The following PCDHA13 variants were observed in gnomAD, a reference collection of about 807,000 sequenced individuals.
The protein encoded by PCDHA13 is protocadherin alpha 13, also known as protocadherin alpha-13.
Under a neutral mutation model 64.8 loss-of-function variants are expected in PCDHA13, and 54 were observed. That is an observed-to-expected ratio of 0.83 (90% CI 0.67 to 1.04). The LOEUF is 1.04. PCDHA13 is among the 50% of genes least tolerant of loss of function. The pLI, the probability that PCDHA13 is intolerant of heterozygous loss-of-function variation, is 0.00. For synonymous variants in PCDHA13, 587 were observed against 564.4 expected (o/e 1.04, Z -0.57); for missense variants, 1,248 against 1,254.3 (o/e 0.99, Z 0.08).
intron 1 of PCDHA13, among the ~76,000 whole-genome samples, chr5:140,963,199 A>G (rs955651383): frequency 6.6e-6 from 1 of 152,092 alleles, no homozygotes; most frequent in Non-Finnish European, 1.5e-5. Flanking sequence ...TGAAAATGAA[A>G]AAAAAAACCT....
intron 1 of PCDHA13, among the ~76,000 whole-genome samples, chr5:140,888,197 C>G (rs190439070): frequency 4.6e-5 from 7 of 152,044 alleles, no homozygotes; most frequent in Non-Finnish European, 8.8e-5. Flanking sequence ...TTTACATTGT[C>G]GGATGCTGGA....
intron 3 of PCDHA13, among the ~76,000 whole-genome samples, chr5:140,997,002 G>T (rs534893055): frequency 1.3e-5 from 2 of 152,118 alleles, no homozygotes; most frequent in East Asian, 1.9e-4. Context: ...TAACAATTTT[G>T]TGTGTATCCT....
rs370989006 is a variant in PCDHA13 at position 141,009,739 on chromosome 5, C to T, written c.2655C>T (p.Pro885=). The change falls in exon 4 of 4, where the codon CCC becomes CCT. Residue 885 remains proline (P), a synonymous_variant. Transcript: ENST00000289272. ...AACAATCCGGTCCCGGTGAGTTGCC[C>T]GACAAATTCATTATCCCAGGATCTC... ...NPKQSGPGEL[P]DKFIIPGSPA... is the part of the protein sequence containing the mutation. 55 of 1,614,008 alleles carry T rather than the reference C, an allele frequency of 3.4e-5. No homozygotes were observed. Among genetic ancestry groups the T allele is most frequent in the African/African-American group, 2.4e-4 (18 of 74,972 alleles).
chr5:140,888,343 G>C (rs1476390329), intron 1 of PCDHA13, among the ~76,000 whole-genome samples: 1 of 152,152 alleles, frequency 6.6e-6, no homozygotes, highest in Admixed American at 6.5e-5. Context: ...ATTACAACTA[G>C]GGAATTGCTA....
chr5:140,929,436 C>T, intron 1 of PCDHA13: 1 of 1,470,330 alleles, frequency 6.8e-7, no homozygotes, highest in Non-Finnish European at 9.1e-7. Context: ...TTGAACTAAA[C>T]ACTCCTTCTT....
intron 3 of PCDHA13, among the ~76,000 whole-genome samples, chr5:141,003,916 A>C (rs1176586597): frequency 3.9e-5 from 6 of 152,150 alleles, no homozygotes; most frequent in African/African-American, 1.4e-4. Context: ...TCTTGACTGC[A>C]TCCTCAGTCT....
intron 1 of PCDHA13, among the ~76,000 whole-genome samples, chr5:140,917,087 C>G (rs1275905052): frequency 6.6e-6 from 1 of 152,100 alleles, no homozygotes; most frequent in Non-Finnish European, 1.5e-5. Flanking sequence ...GTAAAGTTCC[C>G]CAGTTGCTGT....
In PCDHA13 at chr5:140,882,349, T is replaced by G. The variant is rs782020720; in HGVS notation, c.81T>G (p.Gly27=). The change falls in exon 1 of 4, where the codon GGT becomes GGG. Residue 27 remains glycine, a synonymous_variant. Transcript: ENST00000289272. ...WLLILAAWET[G]SGQLHYSVPE... is the part of the protein sequence containing the mutation. ...TGATCCTCGCAGCCTGGGAGACGGG[T>G]AGTGGCCAGCTCCACTACTCCGTCC... 9 of 1,613,872 alleles carry G rather than the reference T, an allele frequency of 5.6e-6. No individual in the cohort carries two copies. The Admixed American group carries it at 1.3e-4, about 24-fold the overall frequency.
intron 1 of PCDHA13, chr5:140,927,469 C>T (rs17844359): frequency 6.2e-7 from 1 of 1,614,082 alleles, no homozygotes; most frequent in Non-Finnish European, 8.5e-7. Context: ...AGCACTGGAT[C>T]GCGAACAGCG....
chr5:140,883,678 G>A lies in PCDHA13; in HGVS notation c.1410G>A (p.Pro470=), dbSNP rs555791080. 6 of 1,613,902 alleles carry A rather than the reference G, an allele frequency of 3.7e-6. No individual in the cohort carries two copies. Among genetic ancestry groups the A allele is most frequent in the South Asian group, 3.3e-5 (3 of 91,078 alleles). ...TGTTCGTGAAGGAAAACAATCCGCC[G>A]GGCTGCCACATCTTCACGGTGTCTG... ...YTVFVKENNP[P]GCHIFTVSAQ... Residue 470 remains proline, a synonymous_variant, in exon 1 of 4, where the codon CCG becomes CCA. Transcript: ENST00000289272.
At chr5:140,965,291 C>T (rs1227369041) in intron 1 of PCDHA13, among the ~76,000 whole-genome samples, 1 of 152,154 alleles carries the variant, frequency 6.6e-6, no homozygotes, top group Non-Finnish European at 1.5e-5. Context: ...GGAAAGATTT[C>T]CTCTGATCCT....
At chr5:140,982,097 C>A (rs1313290841) in intron 2 of PCDHA13, among the ~76,000 whole-genome samples, 1 of 152,194 alleles carries the variant, frequency 6.6e-6, no homozygotes, top group Non-Finnish European at 1.5e-5. Flanking sequence ...AACAAGAGAA[C>A]CTGCAAGAGA....
chr5:140,897,509 G>T (rs2153456975), intron 1 of PCDHA13, among the ~76,000 whole-genome samples: 1 of 152,062 alleles, frequency 6.6e-6, no homozygotes, highest in East Asian at 1.9e-4. Context: ...CCCTACAAAG[G>T]ACATGAACTC....
At chr5:140,901,278 A>AT (rs1554189713) in intron 1 of PCDHA13, among the ~76,000 whole-genome samples, 2 of 152,102 alleles carry the variant, frequency 1.3e-5, no homozygotes, top group Non-Finnish European at 2.9e-5. Context: ...TACTCAAGAA[A>AT]TTTTTGCCCA....
At chr5:140,965,103 A>G (rs1453303865) in intron 1 of PCDHA13, among the ~76,000 whole-genome samples, 1 of 152,234 alleles carries the variant, frequency 6.6e-6, no homozygotes, top group Non-Finnish European at 1.5e-5. Context: ...TAGCTAGAAA[A>G]TGACCCATAG....
chr5:140,944,419 T>C (rs2093656334), intron 1 of PCDHA13, among the ~76,000 whole-genome samples: 2 of 152,184 alleles, frequency 1.3e-5, no homozygotes, highest in South Asian at 4.1e-4. Flanking sequence ...ACTCCTGATC[T>C]GAAGTGGTCT....
intron 1 of PCDHA13, among the ~76,000 whole-genome samples, chr5:140,895,655 A>G (rs2065093360): frequency 6.6e-6 from 1 of 152,154 alleles, no homozygotes. Context: ...TCCCACTTAT[A>G]AGTGAGAACA....
intron 3 of PCDHA13, among the ~76,000 whole-genome samples, chr5:140,994,862 G>A (rs1434007632): frequency 1.3e-5 from 2 of 152,174 alleles, no homozygotes; most frequent in African/African-American, 4.8e-5. Flanking sequence ...TTTGATGGAT[G>A]TGGTAGAATA....
intron 3 of PCDHA13, among the ~76,000 whole-genome samples, chr5:141,004,743 T>G (rs1554259718): frequency 6.6e-6 from 1 of 152,182 alleles, no homozygotes; most frequent in Admixed American, 6.5e-5. Flanking sequence ...CTCTTTTGTC[T>G]CAGTCTCTTA....
Sources: gnomAD v4.1 joint callset for allele counts (sites outside exome capture counted in the v4.1 genomes callset) on GRCh38, gnomAD v4.1.1 for gene constraint, MANE v1.5 for transcripts, NCBI Gene and HGNC (gene_info 2026-07-23, HGNC 2026-07-21) for gene names.